Variants in ZUP1 observed in about 807,000 individuals in gnomAD.
ZUP1 encodes the protein zinc finger-containing ubiquitin peptidase 1.
Under a neutral mutation model 68.1 loss-of-function variants are expected in ZUP1, and 55 were observed. That is an observed-to-expected ratio of 0.81 (90% CI 0.65 to 1.01). The LOEUF is 1.01. Ranked by LOEUF, ZUP1 falls within the 50% of genes least tolerant of loss-of-function variation. The pLI is 0.00. For missense variants in ZUP1, 684 were observed against 674.9 expected (o/e 1.01, Z -0.15); for synonymous variants, 223 against 221.5 (o/e 1.01, Z -0.06).
chr6:116,638,384 G>C (rs1740453903), intron 9 of ZUP1, among the ~76,000 whole-genome samples: 1 of 152,022 alleles, frequency 6.6e-6, no homozygotes, highest in Non-Finnish European at 1.5e-5. Context: ...GTTCCCCCCT[G>C]ATGGTGTAGT....
rs186006579 is a variant in ZUP1 at position 116,636,341 on chromosome 6, G to A, written c.1690-462C>T. Among the ~76,000 whole-genome samples the A allele has an allele frequency of 1.6e-4, 25 of 152,184 alleles. No individual in the cohort carries two copies. The East Asian group carries it at 4.2e-3, about 26-fold the overall frequency. ...TCCAAATCAAGACATATCAAACCAA[G>A]CTAAATTAAGTTAAATCAAGCTGAG... On this transcript the variant is annotated intron_variant, in intron 9 of 9. Coordinates refer to ENST00000368576, the MANE Select transcript of ZUP1 (RefSeq NM_145062.3).
intron 5 of ZUP1, among the ~76,000 whole-genome samples, chr6:116,654,418 A>G (rs906665256): frequency 6.6e-6 from 1 of 151,996 alleles, no homozygotes. Flanking sequence ...CCTCCCTCCA[A>G]CATACACATG....
intron 7 of ZUP1, among the ~76,000 whole-genome samples, chr6:116,648,451 T>A (rs982361777): frequency 2.0e-5 from 3 of 152,236 alleles, no homozygotes; most frequent in Admixed American, 2.0e-4. Context: ...TACTGGGTTT[T>A]AAGTGCTCAA....
Position 116,645,890 on chromosome 6 carries a change from T to C in ZUP1, c.1513A>G (p.Thr505Ala), listed in dbSNP as rs1776288366. ...GGATCAAGTATTAGTAAGCATAATG[T>C]TCGGTTTTTTTTCTCTTCAATTCCA... ...VIGIEEKKNR[T>A]LCLLILDPGC... The change falls in exon 9 of 10, where the codon ACA becomes GCA. Residue 505 changes from threonine to alanine, a missense_variant. Transcript: ENST00000368576. The C allele has an allele frequency of 6.8e-6, 11 of 1,613,628 alleles. No individual in the cohort carries two copies. The highest frequency in any genetic ancestry group is 1.3e-5 in the African/African-American group (1 of 74,918).
intron 7 of ZUP1, among the ~76,000 whole-genome samples, 192 bp downstream of exon 7, chr6:116,651,380 T>C (rs779173685): frequency 1.3e-5 from 2 of 152,192 alleles, no homozygotes; most frequent in African/African-American, 2.4e-5. Flanking sequence ...GAAGTGACAG[T>C]TGCCTCTGAG....
At chr6:116,663,672 G>C (rs1431190596) in intron 2 of ZUP1, among the ~76,000 whole-genome samples, 1 of 152,140 alleles carries the variant, frequency 6.6e-6, no homozygotes, top group Non-Finnish European at 1.5e-5. Flanking sequence ...CAGACGCAGT[G>C]GCTCCCACCT....
intron 4 of ZUP1, among the ~76,000 whole-genome samples, chr6:116,657,124 T>C (rs546409645): frequency 1.3e-5 from 2 of 152,194 alleles, no homozygotes; most frequent in African/African-American, 4.8e-5. Context: ...GAGGATCCTG[T>C]CTTTCTACCT....
At chr6:116,641,784 A>C (rs1482143026) in intron 9 of ZUP1, among the ~76,000 whole-genome samples, 1 of 152,178 alleles carries the variant, frequency 6.6e-6, no homozygotes, top group Non-Finnish European at 1.5e-5. Flanking sequence ...AAAGAACTAG[A>C]AAAGCAAGAG....
intron 2 of ZUP1, among the ~76,000 whole-genome samples, chr6:116,664,178 C>G (rs1409985761): frequency 6.6e-6 from 1 of 152,144 alleles, no homozygotes; most frequent in Non-Finnish European, 1.5e-5. Flanking sequence ...CGCCTGTAAT[C>G]CCAGCATTTT....
At chr6:116,639,409 C>T (rs1426824882) in intron 9 of ZUP1, among the ~76,000 whole-genome samples, 1 of 152,244 alleles carries the variant, frequency 6.6e-6, no homozygotes, top group African/African-American at 2.4e-5. Flanking sequence ...TGACCCCTGA[C>T]CCCTGAGCAG....
At chr6:116,659,952 A>T (rs1776786789) in intron 3 of ZUP1, among the ~76,000 whole-genome samples, 1 of 152,218 alleles carries the variant, frequency 6.6e-6, no homozygotes, top group South Asian at 2.1e-4. Context: ...CCCTGAGGTT[A>T]TCTACAGTGA....
At position 116,663,219 on chromosome 6, in the gene ZUP1, A is replaced by G. The variant is rs755336347; in HGVS notation, c.560-2373T>C. Among the ~76,000 whole-genome samples, 60 of 152,194 alleles carry G rather than the reference A, an allele frequency of 3.9e-4. 1 individual carries two copies. The highest frequency in any genetic ancestry group is 7.1e-4 in the Non-Finnish European group (48 of 68,002). On this transcript the variant is annotated intron_variant, in intron 2 of 9. Coordinates refer to ENST00000368576, the MANE Select transcript of ZUP1 (RefSeq NM_145062.3). The stretch of plus-strand genomic sequence containing the variant: ...GACCTAACTAAAACCTCCTATATAG[A>G]ATATACAAACCCTATTTTTCTGTCA...
chr6:116,656,935 A>C (rs961500817), intron 4 of ZUP1, 83 bp from the exon 5 acceptor site: 79 of 905,844 alleles, frequency 8.7e-5, no homozygotes, highest in Middle Eastern at 7.0e-4. Flanking sequence ...TTTTATTTGG[A>C]AACATGTTGA....
chr6:116,656,841 A>G lies in ZUP1; in HGVS notation c.804T>C (p.Gly268=). 1 of 1,599,232 alleles carries G rather than the reference A, an allele frequency of 6.3e-7. No homozygotes were observed. The highest frequency in any genetic ancestry group is 8.5e-7 in the Non-Finnish European group (1 of 1,171,602). ...GTTTGTATCCTCCAGAATTATCTAA[A>G]CCATATTGTCTCTATTGAACATAAA... ...EEFQKLQRQY[G]LDNSGGYKQQ... is the part of the protein sequence containing the mutation. Residue 268 remains glycine, a synonymous_variant, in exon 5 of 10, where the codon GGT becomes GGC. Coordinates refer to ENST00000368576, the MANE Select transcript of ZUP1 (RefSeq NM_145062.3).
chr6:116,665,620 T>C (rs115086646), intron 2 of ZUP1, among the ~76,000 whole-genome samples: 4 of 144,216 alleles, frequency 2.8e-5, no homozygotes, highest in African/African-American at 1.0e-4. Context: ...TCACCCAGAG[T>C]GGAGTGCGGA....
intron 7 of ZUP1, among the ~76,000 whole-genome samples, chr6:116,648,581 A>G (rs1451436250): frequency 6.6e-6 from 1 of 152,208 alleles, no homozygotes; most frequent in African/African-American, 2.4e-5. Context: ...AGAGCAACAG[A>G]AAGACATGTA....
Position 116,656,761 on chromosome 6 carries a change from G to A in ZUP1, c.884C>T (p.Ser295Phe). 6.2e-7 allele frequency: 1 copy of A among 1,612,658 alleles called. No homozygotes were observed. Among genetic ancestry groups the A allele is most frequent in the Non-Finnish European group, 8.5e-7 (1 of 1,179,268 alleles). Residue 295 changes from serine (S) to phenylalanine (F), a missense_variant, in exon 5 of 10, where the codon TCT becomes TTT. By Grantham distance (155) the Ser-to-Phe change is radical (BLOSUM62 -2). Coordinates refer to ENST00000368576, the MANE Select transcript of ZUP1 (RefSeq NM_145062.3). ...ATCAGCTTTTCTCCTATGAAATTCA[G>A]ATGGAGGCATTCTTCCCCTATTTAC... ...IEVNRGRMPP[S>F]EFHRRKADMM...
At chr6:116,657,004 AAC>A (rs3033987) in intron 4 of ZUP1, 152 bp from the exon 5 acceptor site, 7,481 of 409,872 alleles carry the variant, frequency 0.018, 69 homozygotes, top group Non-Finnish European at 0.023. Flanking sequence ...AAAAACTAAT[AAC>A]ACACACACAC....
At chr6:116,657,467 A>G (rs1436436021) in intron 4 of ZUP1, among the ~76,000 whole-genome samples, 1 of 152,236 alleles carries the variant, frequency 6.6e-6, no homozygotes, top group Non-Finnish European at 1.5e-5. Flanking sequence ...TCATGTTTTA[A>G]ATTACATAAG....
Sources: allele counts gnomAD v4.1 joint callset (sites outside exome capture counted in the v4.1 genomes callset), GRCh38; gene constraint gnomAD v4.1.1; transcripts MANE v1.5; gene names NCBI Gene and HGNC (gene_info 2026-07-23, HGNC 2026-07-21).